The following LRRFIP2 variants were observed in gnomAD, a reference collection of about 807,000 sequenced individuals.
The protein encoded by LRRFIP2 is leucine-rich repeat flightless-interacting protein 2.
LRRFIP2 carries 109 observed loss-of-function variants against 125.9 expected under a neutral mutation model. That is an observed-to-expected ratio of 0.87 (90% CI 0.74 to 1.01). LRRFIP2 has a LOEUF of 1.01. LRRFIP2 is among the 50% of genes least tolerant of loss of function. The pLI, the probability that LRRFIP2 is intolerant of heterozygous loss-of-function variation, is 0.00. For missense variants in LRRFIP2, 850 were observed against 862.3 expected, an observed-to-expected ratio of 0.99 and a Z score of 0.18; for synonymous variants, 291 against 293.1, an observed-to-expected ratio of 0.99 and a Z score of 0.07.
chr3:37,067,969 G>A lies in LRRFIP2; in HGVS notation c.1465-1644C>T, dbSNP rs1056594636. The A allele has an allele frequency of 2.4e-4, 36 of 152,076 alleles. 1 individual carries two copies. The highest frequency in any genetic ancestry group is 2.3e-3 in the Admixed American group (35 of 15,240). 9.4% of individuals were successfully genotyped at this position (152,076 alleles called of 1,614,324 possible). A position where few individuals can be genotyped will look rare whatever the true frequency, so the allele number is the denominator to read the frequency against. On this transcript the variant is annotated intron_variant, in intron 21 of 27. Transcript: ENST00000336686. ...ATGATGCTAGGAAAGGAGTCCATAC[G>A]GCAAATCCTACTCTTTACTTATCCA...
intron 24 of LRRFIP2, among the ~76,000 whole-genome samples, chr3:37,062,489 G>GC (rs2089042367): frequency 6.6e-6 from 1 of 152,100 alleles, no homozygotes; most frequent in Non-Finnish European, 1.5e-5. Context: ...CAGGGGCCCA[G>GC]CATCACACAT....
At position 37,060,774 on chromosome 3, in the gene LRRFIP2, T is replaced by G. The variant is rs2088399186; in HGVS notation, c.1750-1864A>C. Among the ~76,000 whole-genome samples the G allele has an allele frequency of 6.6e-6, 1 of 152,164 alleles. No homozygotes were observed. The highest frequency in any genetic ancestry group is 2.4e-5 in the African/African-American group (1 of 41,424). On this transcript the variant is annotated intron_variant, in intron 24 of 27. Transcript: ENST00000336686. This position sits in a 1 kb window ranked among gnomAD's most constrained non-coding sequence, Gnocchi z 4.1. ...CTACTTATCATTGCCAAAATCCCAT[T>G]CCTTCATCACCATTTATTAAATAGC...
chr3:37,173,675 A>C (rs2096616847), intron 1 of LRRFIP2, among the ~76,000 whole-genome samples: 1 of 152,234 alleles, frequency 6.6e-6, no homozygotes, highest in African/African-American at 2.4e-5. Flanking sequence ...AATGATCCTC[A>C]TCAACATTCC....
At chr3:37,054,636 G>A in intron 26 of LRRFIP2, 121 bp from the exon 27 acceptor site, 1 of 680,838 alleles carries the variant, frequency 1.5e-6, no homozygotes, top group Middle Eastern at 2.5e-4. Flanking sequence ...AGTCCCCTAA[G>A]GGTGACTCAT....
chr3:37,163,700 C>T (rs1392749), intron 1 of LRRFIP2, among the ~76,000 whole-genome samples: 58,194 of 152,074 alleles, frequency 0.38, 11,837 homozygotes, highest in Non-Finnish European at 0.45. Context: ...GACTAACAGA[C>T]TTAGAGAGGT....
chr3:37,106,089 A>G (rs1304060740), intron 13 of LRRFIP2, among the ~76,000 whole-genome samples: 18 of 152,170 alleles, frequency 1.2e-4, no homozygotes, highest in Non-Finnish European at 1.5e-5. Flanking sequence ...GGGGAGGTGC[A>G]TAAGTAAGCC....
At chr3:37,101,303 G>T (rs2094028216) in intron 15 of LRRFIP2, among the ~76,000 whole-genome samples, 1 of 151,174 alleles carries the variant, frequency 6.6e-6, no homozygotes, top group Admixed American at 6.6e-5. Flanking sequence ...GTTGCAGTAA[G>T]CCAAGATCGT....
intron 18 of LRRFIP2, among the ~76,000 whole-genome samples, chr3:37,090,134 C>T (rs2093343526): frequency 6.6e-6 from 1 of 152,194 alleles, no homozygotes; most frequent in South Asian, 2.1e-4. Context: ...GAAATCTATG[C>T]TTTGTCCTTT....
intron 18 of LRRFIP2, among the ~76,000 whole-genome samples, chr3:37,089,351 G>A (rs1056338129): frequency 6.6e-6 from 1 of 152,116 alleles, no homozygotes; most frequent in Non-Finnish European, 1.5e-5. Context: ...GGCAAATGCT[G>A]TATTAGTAAT....
chr3:37,166,600 G>T (rs896140430), intron 1 of LRRFIP2, among the ~76,000 whole-genome samples: 1 of 152,116 alleles, frequency 6.6e-6, no homozygotes, highest in Non-Finnish European at 1.5e-5. Flanking sequence ...CTCAACATAC[G>T]TAATCCCAGC....
chr3:37,139,361 A>G, intron 2 of LRRFIP2, among the ~76,000 whole-genome samples: 1 of 152,228 alleles, frequency 6.6e-6, no homozygotes, highest in Non-Finnish European at 1.5e-5. Context: ...TTTCCAAGAT[A>G]TATAATGTAA....
At chr3:37,057,987 C>T (rs894060785) in intron 25 of LRRFIP2, among the ~76,000 whole-genome samples, 5 of 152,148 alleles carry the variant, frequency 3.3e-5, no homozygotes, top group Admixed American at 2.0e-4. Context: ...TAAATTTCAT[C>T]TAATAAAGAT....
intron 24 of LRRFIP2, 135 bp from the exon 25 acceptor site, chr3:37,059,045 G>T: frequency 9.4e-7 from 1 of 1,059,672 alleles, no homozygotes; most frequent in Non-Finnish European, 1.4e-6. Flanking sequence ...ATTTTCTTGA[G>T]TGCCTAATAG....
chr3:37,156,903 G>A (rs1245682424), intron 1 of LRRFIP2, among the ~76,000 whole-genome samples: 1 of 152,106 alleles, frequency 6.6e-6, no homozygotes, highest in Non-Finnish European at 1.5e-5. Context: ...GCCAAGGCAG[G>A]CGCATCACCT....
At position 37,121,802 on chromosome 3, in the gene LRRFIP2, A is replaced by T. The variant is rs947306957; in HGVS notation, c.229-111T>A. 5.0e-6 allele frequency: 5 copies of T among 994,408 alleles called. No individual in the cohort carries two copies. In the African/African-American group the frequency reaches 8.0e-5, roughly 16 times the overall value. The allele number at this position is 994,408 out of a possible 1,614,324, so 61.6% of individuals were successfully genotyped here. A position where few individuals can be genotyped will look rare whatever the true frequency, so the allele number is the denominator to read the frequency against. ...CAGCACAGCAACAACTCCTGAGAGC[A>T]GGCAGGTTTGGATAACTTATCTTAG... On this transcript the variant is annotated intron_variant, in intron 4 of 27. Coordinates refer to ENST00000336686, the MANE Select transcript of LRRFIP2 (RefSeq NM_006309.4).
At chr3:37,084,381 G>A (rs2092883314) in intron 18 of LRRFIP2, among the ~76,000 whole-genome samples, 1 of 152,130 alleles carries the variant, frequency 6.6e-6, no homozygotes, top group South Asian at 2.1e-4. Flanking sequence ...AAAAGAGCTT[G>A]GCCAGGCACA....
At chr3:37,165,030 T>C (rs1330113755) in intron 1 of LRRFIP2, among the ~76,000 whole-genome samples, 1 of 151,254 alleles carries the variant, frequency 6.6e-6, no homozygotes, top group African/African-American at 2.4e-5. Flanking sequence ...GGTCGGGAGA[T>C]CGAGACCATC....
intron 21 of LRRFIP2, among the ~76,000 whole-genome samples, chr3:37,071,621 C>CA (rs775515940): frequency 2.8e-4 from 42 of 152,168 alleles, no homozygotes; most frequent in Non-Finnish European, 5.1e-4. Context: ...TTCCTAACAA[C>CA]ATTCTGAGGG....
chr3:37,078,936 A>G (rs945482174), intron 19 of LRRFIP2, among the ~76,000 whole-genome samples: 11 of 152,238 alleles, frequency 7.2e-5, no homozygotes, highest in African/African-American at 2.7e-4. Flanking sequence ...GCAACTGAAG[A>G]TATCAAATGC....
Sources: gnomAD v4.1 joint callset for allele counts (sites outside exome capture counted in the v4.1 genomes callset) on GRCh38, gnomAD v4.1.1 for gene constraint, Gnocchi (gnomAD v3.1) non-coding constraint, MANE v1.5 for transcripts, NCBI Gene and HGNC (gene_info 2026-07-23, HGNC 2026-07-21) for gene names.